Variants in MBD5 observed in about 807,000 individuals in gnomAD.
The protein encoded by MBD5 is methyl-CpG binding domain protein 5, also known as methyl-CpG-binding domain protein 5.
A neutral mutation model predicts 117.3 loss-of-function variants in MBD5; 13 were observed. The ratio of observed to expected loss-of-function variants is 0.11; its 90% CI spans 0.07 to 0.18. The LOEUF is 0.18. MBD5 is among the 10% of genes least tolerant of loss of function. MBD5 has a pLI of 1.00. For synonymous variants in MBD5, 727 were observed against 766.4 expected (o/e 0.95, Z 0.85); for missense variants, 1,879 against 2,093.8 (o/e 0.90, Z 2.00).
intron 3 of MBD5, among the ~76,000 whole-genome samples, chr2:148,333,203 G>A (rs1465397088): frequency 6.6e-6 from 1 of 151,954 alleles, no homozygotes; most frequent in Non-Finnish European, 1.5e-5. Context: ...CATCTTTCCT[G>A]TTAAGGGCTT....
intron 4 of MBD5, among the ~76,000 whole-genome samples, chr2:148,454,276 TCTGTAGA>T: frequency 6.6e-6 from 1 of 152,252 alleles, no homozygotes; most frequent in Non-Finnish European, 1.5e-5. Context: ...TTTGGCAATA[TCTGTAGA>T]GTTGAAAATG....
intron 3 of MBD5, among the ~76,000 whole-genome samples, chr2:148,256,532 G>A (rs1028814950): frequency 2.0e-5 from 3 of 152,206 alleles, no homozygotes; most frequent in Non-Finnish European, 2.9e-5. Flanking sequence ...TTAAGCCTTG[G>A]TAGACCACCC....
intron 2 of MBD5, among the ~76,000 whole-genome samples, chr2:148,225,853 C>T (rs999265570): frequency 2.0e-5 from 3 of 152,112 alleles, no homozygotes; most frequent in Non-Finnish European, 4.4e-5. Context: ...TATGCTATTT[C>T]GTTTTTCTTG....
chr2:148,313,341 A>T (rs1702079723), intron 3 of MBD5, among the ~76,000 whole-genome samples: 1 of 152,126 alleles, frequency 6.6e-6, no homozygotes, highest in Admixed American at 6.5e-5. Flanking sequence ...TCTTTCAGAG[A>T]TGCTGTTCTC....
chr2:148,489,679 C>T lies in MBD5; in HGVS notation c.4047C>T (p.Pro1349=), dbSNP rs367766748. The T allele has an allele frequency of 7.9e-5, 127 of 1,614,082 alleles. No homozygotes were observed. The highest frequency in any genetic ancestry group is 1.1e-4 in the Non-Finnish European group (124 of 1,180,040). The change falls in exon 11 of 14, where the codon CCC becomes CCT. Residue 1349 remains proline, a synonymous_variant. Transcript: ENST00000642680. ...TAVNSTTQIS[P]IPALSAMSAF... ...TCAACAGTACAACTCAGATCAGCCC[C>T]ATTCCAGCTCTGAGTGCCATGAGTG...
intron 1 of MBD5, among the ~76,000 whole-genome samples, chr2:148,050,754 T>G (rs1323936394): frequency 1.3e-5 from 2 of 152,168 alleles, no homozygotes; most frequent in Non-Finnish European, 2.9e-5. Context: ...TAATATCCTG[T>G]TGGTCTGTAC....
At chr2:148,095,055 A>G (rs1271467772) in intron 1 of MBD5, among the ~76,000 whole-genome samples, 2 of 152,160 alleles carry the variant, frequency 1.3e-5, no homozygotes, top group Non-Finnish European at 2.9e-5. Context: ...TAAATGAATA[A>G]ATAAAACTGT....
At chr2:148,151,275 C>A (rs1697654896) in intron 1 of MBD5, among the ~76,000 whole-genome samples, 1 of 151,954 alleles carries the variant, frequency 6.6e-6, no homozygotes, top group South Asian at 2.1e-4. Flanking sequence ...ACCAGCCTTG[C>A]ATCCCAGGGA....
intron 4 of MBD5, among the ~76,000 whole-genome samples, chr2:148,389,185 T>C (rs1352613082): frequency 1.5e-5 from 1 of 64,924 alleles, no homozygotes; most frequent in Non-Finnish European, 3.0e-5. Context: ...TAGTATTCCG[T>C]GGTGTGTGTG....
intron 4 of MBD5, among the ~76,000 whole-genome samples, chr2:148,375,779 C>T (rs1175574868): frequency 6.6e-6 from 1 of 152,006 alleles, no homozygotes; most frequent in Admixed American, 6.6e-5. Context: ...TTTTAAATTT[C>T]TAAGGATCAG....
intron 3 of MBD5, among the ~76,000 whole-genome samples, chr2:148,294,356 CTGGG>C (rs1255477065): frequency 6.6e-6 from 1 of 151,082 alleles, no homozygotes; most frequent in Non-Finnish European, 1.5e-5. Context: ...TCCCGAGTAG[CTGGG>C]ACTACAGGTG....
rs543979145 is a variant in MBD5 at position 148,334,032 on chromosome 2, T to C, written c.-679-8182T>C. On this transcript the variant is annotated intron_variant, in intron 3 of 13. Coordinates refer to ENST00000642680, the MANE Select transcript of MBD5 (RefSeq NM_001378120.1). ...GTTTCTTCTTTTTTTTGTTTATTTATTTATTTACTTTTGCCACCTATTCTT... is the reference window on the plus strand; with the variant it reads ...GTTTCTTCTTTTTTTTGTTTATTTACTTATTTACTTTTGCCACCTATTCTT... 9.8e-5 allele frequency among the ~76,000 whole-genome samples: 15 copies of C among 152,334 alleles called. No individual in the cohort carries two copies. The South Asian group carries it at 3.1e-3, about 32-fold the overall frequency.
intron 2 of MBD5, among the ~76,000 whole-genome samples, chr2:148,217,955 G>C (rs192566999): frequency 6.6e-6 from 1 of 152,034 alleles, no homozygotes; most frequent in African/African-American, 2.4e-5. Context: ...AAACTCCCCC[G>C]ATAAAAAACA....
intron 2 of MBD5, among the ~76,000 whole-genome samples, chr2:148,193,164 T>G (rs1384597747): frequency 1.6e-5 from 1 of 63,200 alleles, no homozygotes; most frequent in Non-Finnish European, 3.2e-5. Flanking sequence ...GAATCAATAT[T>G]GTGAAAATGG....
At chr2:148,300,305 G>T (rs1701752643) in intron 3 of MBD5, among the ~76,000 whole-genome samples, 1 of 152,038 alleles carries the variant, frequency 6.6e-6, no homozygotes, top group African/African-American at 2.4e-5. Flanking sequence ...CACCTGCCTT[G>T]GCCTTCCAAA....
rs535580046 is a variant in MBD5, at chr2:148,345,086, A to G, written c.-557+2750A>G. 4.6e-5 allele frequency among the ~76,000 whole-genome samples: 7 copies of G among 151,814 alleles called. No individual in the cohort carries two copies. The South Asian group carries it at 1.4e-3, about 31-fold the overall frequency. ...AACCATGGAATGCATTCTTAAGATA[A>G]CGTATGTCTTCAAGATGTTGATAAT... is the stretch of plus-strand genomic sequence containing the variant. On this transcript the variant is annotated intron_variant, in intron 4 of 13. Coordinates refer to ENST00000642680, the MANE Select transcript of MBD5 (RefSeq NM_001378120.1).
At chr2:148,427,170 G>A (rs1249695217) in intron 4 of MBD5, among the ~76,000 whole-genome samples, 2 of 152,158 alleles carry the variant, frequency 1.3e-5, no homozygotes, top group African/African-American at 4.8e-5. Flanking sequence ...TGGAGAGGAT[G>A]TGGAGAAATA....
rs772771721 is a variant in MBD5 at position 148,489,561 on chromosome 2, T to C, written c.3929T>C (p.Val1310Ala). Reference sequence around the variant, plus strand: ...CAACAGGTGAAGGATGGCCTCGTTGTGGGTGGCCCAGGTGATGCTTCCGTA... The same window carrying C: ...CAACAGGTGAAGGATGGCCTCGTTGCGGGTGGCCCAGGTGATGCTTCCGTA... Reference protein sequence around the residue: ...LGQQVKDGLVVGGPGDASVDA... With the variant: ...LGQQVKDGLVAGGPGDASVDA... The change falls in exon 11 of 14, where the codon GTG becomes GCG. Residue 1310 changes from valine to alanine, a missense_variant. Physicochemically the swap from Val to Ala is moderately conservative, Grantham distance 64 (BLOSUM62 0). Coordinates refer to ENST00000642680, the MANE Select transcript of MBD5 (RefSeq NM_001378120.1). 1.9e-6 allele frequency: 3 copies of C among 1,614,092 alleles called. No individual in the cohort carries two copies. In the African/African-American group the frequency reaches 4.0e-5, roughly 22 times the overall value.
intron 1 of MBD5, among the ~76,000 whole-genome samples, chr2:148,154,518 C>A (rs76643730): frequency 1.3e-5 from 2 of 152,328 alleles, no homozygotes; most frequent in East Asian, 3.9e-4. Flanking sequence ...ATGGTGGGCG[C>A]CCCTCCCCCA....
Sources: gnomAD v4.1 joint callset for allele counts (sites outside exome capture counted in the v4.1 genomes callset) on GRCh38, gnomAD v4.1.1 for gene constraint, MANE v1.5 for transcripts, NCBI Gene and HGNC (gene_info 2026-07-23, HGNC 2026-07-21) for gene names.